The following GULP1 variants were observed in gnomAD, a reference collection of about 807,000 sequenced individuals.
GULP1 encodes the protein GULP PTB domain containing engulfment adaptor 1.
GULP1 carries 19 observed loss-of-function variants against 40.9 expected under a neutral mutation model. That is an observed-to-expected ratio of 0.46 (90% CI 0.32 to 0.68). The LOEUF is 0.68. Ranked by LOEUF, GULP1 falls within the 30% of genes least tolerant of loss-of-function variation. GULP1 has a pLI of 0.03. For missense variants in GULP1, 312 were observed against 362.2 expected (o/e 0.86, Z 1.12); for synonymous variants, 119 against 117.6 (o/e 1.01, Z -0.08).
At chr2:188,512,087 G>C (rs2064629840) in intron 4 of GULP1, among the ~76,000 whole-genome samples, 1 of 151,970 alleles carries the variant, frequency 6.6e-6, no homozygotes, top group East Asian at 1.9e-4. Context: ...CCAAATAAAG[G>C]CTATAAAATT....
chr2:188,491,712 A>C (rs189155118), intron 4 of GULP1: 36 of 152,222 alleles, frequency 2.4e-4, no homozygotes, highest in African/African-American at 7.5e-4. Flanking sequence ...AGACAAACTA[A>C]GATTTCTATT....
intron 2 of GULP1, among the ~76,000 whole-genome samples, chr2:188,458,581 T>C (rs73040474): frequency 0.013 from 1,975 of 152,248 alleles, 40 homozygotes; most frequent in African/African-American, 0.045. Context: ...ATTTATGGGG[T>C]ACATGAAGTG....
intron 1 of GULP1, among the ~76,000 whole-genome samples, chr2:188,301,507 A>G (rs1288246298): frequency 6.6e-6 from 1 of 152,100 alleles, no homozygotes; most frequent in African/African-American, 2.4e-5. Context: ...TCTATTCCTT[A>G]TTCTTCTTTT....
chr2:188,398,459 CAAATT>C lies in GULP1; in HGVS notation c.-45+14573_-45+14577del, dbSNP rs1439577298. On this transcript the variant is annotated intron_variant, in intron 2 of 11. Coordinates refer to ENST00000409830, the MANE Select transcript of GULP1 (RefSeq NM_016315.4). ...ATACATCTGTGTTAATAATGATATT[CAAATT>C]AATCTTCACCTATAAATGTTAACAT... Among the ~76,000 whole-genome samples the C allele has an allele frequency of 3.3e-5, 5 of 152,088 alleles. No individual in the cohort carries two copies. The East Asian group carries it at 9.6e-4, about 29-fold the overall frequency.
chr2:188,439,392 A>C (rs2152856412), intron 2 of GULP1, among the ~76,000 whole-genome samples: 1 of 152,314 alleles, frequency 6.6e-6, no homozygotes, highest in East Asian at 1.9e-4. Flanking sequence ...CAAAATACAT[A>C]AGCAGACAAA....
intron 2 of GULP1, among the ~76,000 whole-genome samples, chr2:188,474,387 A>T (rs969635153): frequency 9.9e-5 from 15 of 152,176 alleles, no homozygotes; most frequent in African/African-American, 3.6e-4. Flanking sequence ...CCACAGTGGC[A>T]AGGCTTGTGG....
intron 7 of GULP1, among the ~76,000 whole-genome samples, chr2:188,559,349 A>G (rs1576089525): frequency 6.6e-6 from 1 of 152,246 alleles, no homozygotes; most frequent in South Asian, 2.1e-4. Context: ...CCTCCACAGA[A>G]GTCAATAATT....
intron 1 of GULP1, among the ~76,000 whole-genome samples, chr2:188,352,631 C>CACACACACACACACACACACAG (rs1282395909): frequency 1.3e-5 from 2 of 150,926 alleles, no homozygotes; most frequent in African/African-American, 4.9e-5. Context: ...CACACACACA[C>CACACACACACACACACACACAG]ACACACACAC....
chr2:188,559,820 G>A (rs1237022164), intron 7 of GULP1, among the ~76,000 whole-genome samples: 1 of 152,144 alleles, frequency 6.6e-6, no homozygotes, highest in Non-Finnish European at 1.5e-5. Flanking sequence ...GGGACCTGGT[G>A]GAGATAATTT....
At chr2:188,450,073 A>G (rs1376576057) in intron 2 of GULP1, among the ~76,000 whole-genome samples, 1 of 152,170 alleles carries the variant, frequency 6.6e-6, no homozygotes, top group Admixed American at 6.5e-5. Flanking sequence ...ATCTAAGATA[A>G]TATTAATAAT....
intron 2 of GULP1, among the ~76,000 whole-genome samples, chr2:188,443,264 A>G (rs2058092374): frequency 1.3e-5 from 2 of 152,112 alleles, no homozygotes; most frequent in Admixed American, 6.5e-5. Context: ...AAATGCCTTA[A>G]AATTGGACAT....
At chr2:188,446,339 T>C (rs947135310) in intron 2 of GULP1, among the ~76,000 whole-genome samples, 4 of 152,166 alleles carry the variant, frequency 2.6e-5, no homozygotes, top group Non-Finnish European at 5.9e-5. Flanking sequence ...TTACCAACCC[T>C]GGAACCATTG....
At chr2:188,451,090 T>C (rs1196518686) in intron 2 of GULP1, among the ~76,000 whole-genome samples, 1 of 152,228 alleles carries the variant, frequency 6.6e-6, no homozygotes, top group South Asian at 2.1e-4. Flanking sequence ...TAAATTAACA[T>C]TGTATTTTGC....
chr2:188,302,730 C>T (rs894764879), intron 1 of GULP1, among the ~76,000 whole-genome samples: 1 of 152,180 alleles, frequency 6.6e-6, no homozygotes, highest in Non-Finnish European at 1.5e-5. Context: ...GTGTTCTGAT[C>T]TGCATTGCCA....
chr2:188,372,369 T>G (rs1392095362), intron 1 of GULP1, among the ~76,000 whole-genome samples: 1 of 152,086 alleles, frequency 6.6e-6, no homozygotes, highest in Non-Finnish European at 1.5e-5. Flanking sequence ...TTAAATATCG[T>G]TAGTATTACA....
intron 2 of GULP1, among the ~76,000 whole-genome samples, chr2:188,408,039 T>G (rs1230898326): frequency 6.6e-6 from 1 of 152,184 alleles, no homozygotes; most frequent in Non-Finnish European, 1.5e-5. Flanking sequence ...GATAGCTCAG[T>G]CCCCAAATTC....
chr2:188,404,054 G>C (rs1345058561), intron 2 of GULP1, among the ~76,000 whole-genome samples: 1 of 152,080 alleles, frequency 6.6e-6, no homozygotes, highest in Non-Finnish European at 1.5e-5. Flanking sequence ...GATAGCAAGA[G>C]TTAATAAAGT....
At chr2:188,425,045 A>C (rs996514887) in intron 2 of GULP1, among the ~76,000 whole-genome samples, 2 of 151,924 alleles carry the variant, frequency 1.3e-5, no homozygotes, top group African/African-American at 4.8e-5. Context: ...ATGCTCAATG[A>C]CTTTACTGAT....
At chr2:188,375,987 G>A (rs1216162389) in intron 1 of GULP1, among the ~76,000 whole-genome samples, 5 of 151,976 alleles carry the variant, frequency 3.3e-5, no homozygotes, top group Admixed American at 6.6e-5. Context: ...TGAAAAGCCA[G>A]CCCTCCATAT....
Sources: allele counts gnomAD v4.1 joint callset (sites outside exome capture counted in the v4.1 genomes callset), GRCh38; gene constraint gnomAD v4.1.1; transcripts MANE v1.5; gene names NCBI Gene and HGNC (gene_info 2026-07-23, HGNC 2026-07-21).